Variants in MARCHF1 observed in about 807,000 individuals in gnomAD.
MARCHF1 encodes the protein E3 ubiquitin-protein ligase MARCHF1.
A neutral mutation model predicts 54.2 loss-of-function variants in MARCHF1; 40 were observed. The ratio of observed to expected loss-of-function variants is 0.74; its 90% CI spans 0.57 to 0.96. The LOEUF (loss-of-function observed/expected upper bound fraction) is 0.96, where lower values mean the gene tolerates loss of function less well. MARCHF1 is among the 40% of genes least tolerant of loss of function. The probability of loss-of-function intolerance (pLI) is 0.00; values close to 1 mark genes in which losing one functional copy is unlikely to be tolerated. For missense variants in MARCHF1, 586 were observed against 656.5 expected, an observed-to-expected ratio of 0.89 and a Z score of 1.17; for synonymous variants, 236 against 236.3, an observed-to-expected ratio of 1.00 and a Z score of 0.01.
intron 5 of MARCHF1, among the ~76,000 whole-genome samples, chr4:163,685,041 A>T (rs1744223872): frequency 6.6e-6 from 1 of 151,992 alleles, no homozygotes; most frequent in Non-Finnish European, 1.5e-5. Flanking sequence ...GTGTACATTT[A>T]TTTTGTTAGG....
chr4:163,883,924 G>C (rs1750475074), intron 3 of MARCHF1, among the ~76,000 whole-genome samples: 1 of 152,110 alleles, frequency 6.6e-6, no homozygotes, highest in Non-Finnish European at 1.5e-5. Flanking sequence ...ATAGATCTTT[G>C]CTTGGTGCAT....
chr4:163,871,483 T>C (rs914407970), intron 3 of MARCHF1, among the ~76,000 whole-genome samples: 2 of 152,168 alleles, frequency 1.3e-5, no homozygotes, highest in African/African-American at 4.8e-5. Flanking sequence ...GGGTGCTGTG[T>C]GGGGTTCACT....
At position 164,185,200 on chromosome 4, in the gene MARCHF1, G is replaced by T. The variant is rs189193185; in HGVS notation, c.-322-73538C>A. ...ATCAGTAAACCTCAACTCTGATGGTGATTTGTGTTTGTATTTGCTGTATGT... is the reference window on the plus strand; with the variant it reads ...ATCAGTAAACCTCAACTCTGATGGTTATTTGTGTTTGTATTTGCTGTATGT... On this transcript the variant is annotated intron_variant, in intron 1 of 9. Transcript: ENST00000514618. Among the ~76,000 whole-genome samples the T allele has an allele frequency of 3.3e-4, 50 of 152,290 alleles. No individual in the cohort carries two copies. In the East Asian group the frequency reaches 8.5e-3, roughly 26 times the overall value.
chr4:164,250,915 C>T (rs956953114), intron 1 of MARCHF1, among the ~76,000 whole-genome samples: 1 of 152,056 alleles, frequency 6.6e-6, no homozygotes, highest in African/African-American at 2.4e-5. Flanking sequence ...GACTAAATTA[C>T]TCCCTACCTC....
chr4:164,182,884 C>T (rs1441935570), intron 1 of MARCHF1, among the ~76,000 whole-genome samples: 1 of 151,828 alleles, frequency 6.6e-6, no homozygotes, highest in African/African-American at 2.4e-5. Context: ...AGACATAAGA[C>T]TTCTTATTTT....
chr4:164,069,794 C>T (rs62349971), intron 2 of MARCHF1, among the ~76,000 whole-genome samples: 15 of 151,972 alleles, frequency 9.9e-5, no homozygotes, highest in African/African-American at 2.9e-4. Context: ...AAATCATTAT[C>T]GAAAAAAGAC....
chr4:163,556,780 T>C (rs1256482811), intron 8 of MARCHF1, among the ~76,000 whole-genome samples: 1 of 152,116 alleles, frequency 6.6e-6, no homozygotes, highest in East Asian at 1.9e-4. Context: ...TTATCAGTAC[T>C]TTGATATCAA....
At chr4:164,133,289 A>G (rs953235000) in intron 1 of MARCHF1, among the ~76,000 whole-genome samples, 1 of 152,182 alleles carries the variant, frequency 6.6e-6, no homozygotes, top group Admixed American at 6.6e-5. Flanking sequence ...ACTGAGTGGA[A>G]AAGTCTGCCT....
intron 1 of MARCHF1, among the ~76,000 whole-genome samples, chr4:164,293,559 T>C (rs1734338952): frequency 6.6e-6 from 1 of 152,264 alleles, no homozygotes. Flanking sequence ...GTAATTTGTC[T>C]AAAGTTTTTC....
At chr4:163,702,013 A>C (rs888463144) in intron 4 of MARCHF1, among the ~76,000 whole-genome samples, 2 of 152,204 alleles carry the variant, frequency 1.3e-5, no homozygotes, top group African/African-American at 2.4e-5. Context: ...AGGATATGGC[A>C]GATGTGTTAT....
chr4:163,926,206 G>C (rs1175813067), intron 3 of MARCHF1, among the ~76,000 whole-genome samples: 1 of 151,498 alleles, frequency 6.6e-6, no homozygotes, highest in African/African-American at 2.4e-5. Context: ...AAAACCATAG[G>C]CTAGTTTTGG....
chr4:163,808,828 C>T (rs1030481375), intron 4 of MARCHF1, among the ~76,000 whole-genome samples: 7 of 152,136 alleles, frequency 4.6e-5, no homozygotes, highest in Admixed American at 2.6e-4. Flanking sequence ...CTCGGCCTCC[C>T]AAAGTGCCGG....
chr4:163,965,078 A>G (rs1238762732), intron 3 of MARCHF1, among the ~76,000 whole-genome samples: 4 of 152,032 alleles, frequency 2.6e-5, no homozygotes, highest in Admixed American at 2.6e-4. Flanking sequence ...CCAGTGTTAT[A>G]TTTTTAAGAG....
chr4:163,920,189 G>A lies in MARCHF1; in HGVS notation c.-38-66020C>T, dbSNP rs139575588. ...CATTTATGAAATGGTAAGTGGTACA[G>A]TTAGAAATGATCTGAGGTCAAGCTC... On this transcript the variant is annotated intron_variant, in intron 3 of 9. Transcript: ENST00000514618. Among the ~76,000 whole-genome samples the A allele has an allele frequency of 9.6e-4, 146 of 152,294 alleles. 5 individuals carry two copies. In the East Asian group the frequency reaches 0.022, roughly 23 times the overall value.
chr4:163,919,119 G>A (rs1261652669), intron 3 of MARCHF1, among the ~76,000 whole-genome samples: 1 of 152,152 alleles, frequency 6.6e-6, no homozygotes, highest in African/African-American at 2.4e-5. Flanking sequence ...TCTGAAGATT[G>A]TAAGCAGGAA....
At chr4:163,732,862 G>A (rs1411680583) in intron 4 of MARCHF1, among the ~76,000 whole-genome samples, 3 of 152,020 alleles carry the variant, frequency 2.0e-5, no homozygotes, top group African/African-American at 7.2e-5. Flanking sequence ...TATAAGAAAT[G>A]TTAAAGAAGC....
At chr4:164,190,571 A>G (rs1731098442) in intron 1 of MARCHF1, among the ~76,000 whole-genome samples, 2 of 147,608 alleles carry the variant, frequency 1.4e-5, no homozygotes, top group South Asian at 4.4e-4. Flanking sequence ...AACCTGGGTT[A>G]GGGTGTGTGT....
intron 1 of MARCHF1, among the ~76,000 whole-genome samples, chr4:164,198,660 A>T (rs1024089497): frequency 2.6e-5 from 4 of 152,248 alleles, no homozygotes; most frequent in Non-Finnish European, 5.9e-5. Context: ...TTAGCAGCAC[A>T]GGCATTAGGA....
intron 4 of MARCHF1, among the ~76,000 whole-genome samples, chr4:163,808,451 T>G (rs1251053503): frequency 6.6e-6 from 1 of 152,196 alleles, no homozygotes; most frequent in Non-Finnish European, 1.5e-5. Context: ...ATTTTAATAT[T>G]GGTTAACACG....
Sources: gnomAD v4.1 joint callset for allele counts (sites outside exome capture counted in the v4.1 genomes callset) on GRCh38, gnomAD v4.1.1 for gene constraint, MANE v1.5 for transcripts, NCBI Gene and HGNC (gene_info 2026-07-23, HGNC 2026-07-21) for gene names.